Variants in CAMKMT observed in about 807,000 individuals in gnomAD.
CAMKMT encodes calmodulin-lysine N-methyltransferase.
In CAMKMT, 53 loss-of-function variants were observed where a neutral mutation model predicts 48.0. The ratio of observed to expected loss-of-function variants is 1.10; its 90% CI spans 0.89 to 1.39. CAMKMT has a LOEUF of 1.39. CAMKMT is among the 40% of genes most tolerant of loss of function. The pLI, the probability that CAMKMT is intolerant of heterozygous loss-of-function variation, is 0.00. For synonymous variants in CAMKMT, 165 were observed against 152.3 expected (o/e 1.08, Z -0.61); for missense variants, 428 against 402.7 (o/e 1.06, Z -0.54).
intron 3 of CAMKMT, among the ~76,000 whole-genome samples, chr2:44,555,568 G>A (rs1040286644): frequency 1.3e-5 from 2 of 152,122 alleles, no homozygotes; most frequent in African/African-American, 4.8e-5. Context: ...CAGGAGAGTG[G>A]TCTCATCTGT....
At chr2:44,566,089 G>A (rs1325416743) in intron 3 of CAMKMT, among the ~76,000 whole-genome samples, 1 of 152,142 alleles carries the variant, frequency 6.6e-6, no homozygotes, top group Non-Finnish European at 1.5e-5. Flanking sequence ...TAAAAACCAA[G>A]TATAGTATTA....
intron 3 of CAMKMT, among the ~76,000 whole-genome samples, chr2:44,616,013 CCATCCAGCCAACCGTG>C: frequency 6.6e-6 from 1 of 152,308 alleles, no homozygotes; most frequent in African/African-American, 2.4e-5. Flanking sequence ...TGGAAACTCT[CCATCCAGCCAACCGTG>C]CACTTCAAAA....
intron 3 of CAMKMT, among the ~76,000 whole-genome samples, chr2:44,489,734 C>T (rs1022754578): frequency 2.0e-5 from 3 of 151,966 alleles, no homozygotes; most frequent in African/African-American, 7.2e-5. Context: ...ATAATGGTAA[C>T]ATATTAGAAA....
At position 44,678,120 on chromosome 2, in the gene CAMKMT, G is replaced by A. The variant is rs948603424; in HGVS notation, c.377-26163G>A. Among the ~76,000 whole-genome samples, 9 of 151,884 alleles carry A rather than the reference G, an allele frequency of 5.9e-5. No homozygotes were observed. In the South Asian group the frequency reaches 6.2e-4, roughly 11 times the overall value. ...GTTCCTTACCTAGCTGGGTTGCTGC[G>A]TTTCCGAAAACCCATTAGCAACAAA... is the stretch of plus-strand genomic sequence containing the variant. On this transcript the variant is annotated intron_variant, in intron 3 of 10. Transcript: ENST00000378494.
intron 10 of CAMKMT, among the ~76,000 whole-genome samples, chr2:44,767,313 C>G (rs1680883730): frequency 6.6e-6 from 1 of 152,164 alleles, no homozygotes; most frequent in Admixed American, 6.5e-5. Context: ...CTTCACTGAG[C>G]TAGTCTGACC....
At chr2:44,487,439 TAG>T (rs1329101517) in intron 3 of CAMKMT, among the ~76,000 whole-genome samples, 2 of 152,218 alleles carry the variant, frequency 1.3e-5, no homozygotes, top group Non-Finnish European at 2.9e-5. Flanking sequence ...TATAATCAAA[TAG>T]AGAGGTCAGA....
At chr2:44,437,923 C>G (rs1666379463) in intron 3 of CAMKMT, among the ~76,000 whole-genome samples, 1 of 150,984 alleles carries the variant, frequency 6.6e-6, no homozygotes, top group Non-Finnish European at 1.5e-5. Flanking sequence ...TATGTTTGCT[C>G]CTCCAGAGAT....
At position 44,657,160 on chromosome 2, in the gene CAMKMT, A is replaced by G. The variant is rs956833947; in HGVS notation, c.377-47123A>G. Among the ~76,000 whole-genome samples, 10 of 152,208 alleles carry G rather than the reference A, an allele frequency of 6.6e-5. No homozygotes were observed. The highest frequency in any genetic ancestry group is 1.2e-4 in the Non-Finnish European group (8 of 68,040). On this transcript the variant is annotated intron_variant, in intron 3 of 10. Coordinates refer to ENST00000378494, the MANE Select transcript of CAMKMT (RefSeq NM_024766.5). The surrounding 1 kb of genome is among the most constrained non-coding windows in gnomAD (Gnocchi z 4.3). Reference sequence around the variant, plus strand: ...CAGCCCCACCTGAAATCCAGTTTGTATGAGAGCCATATGAAGGCCATCCCG... The same window carrying G: ...CAGCCCCACCTGAAATCCAGTTTGTGTGAGAGCCATATGAAGGCCATCCCG...
intron 3 of CAMKMT, among the ~76,000 whole-genome samples, chr2:44,556,715 C>T (rs56891695): frequency 1.8e-5 from 1 of 54,680 alleles, no homozygotes; most frequent in African/African-American, 7.1e-5. Flanking sequence ...ATGATCCACC[C>T]GCCTCGGCCT....
intron 3 of CAMKMT, among the ~76,000 whole-genome samples, chr2:44,506,650 T>G (rs1362342594): frequency 6.6e-6 from 1 of 152,168 alleles, no homozygotes; most frequent in Non-Finnish European, 1.5e-5. Flanking sequence ...TAAACCCAGA[T>G]TTTTAGTGCT....
At chr2:44,510,588 C>A (rs938939103) in intron 3 of CAMKMT, among the ~76,000 whole-genome samples, 28 of 152,100 alleles carry the variant, frequency 1.8e-4, no homozygotes, top group Non-Finnish European at 3.7e-4. Context: ...ATACAAATAT[C>A]CCATTTCTCA....
Position 44,558,550 on chromosome 2 carries a change from G to C in CAMKMT, c.377-145733G>C, listed in dbSNP as rs140713471. 3.9e-5 allele frequency among the ~76,000 whole-genome samples: 6 copies of C among 152,238 alleles called. No individual in the cohort carries two copies. In the East Asian group the frequency reaches 5.8e-4, roughly 15 times the overall value. On this transcript the variant is annotated intron_variant, in intron 3 of 10. Coordinates refer to ENST00000378494, the MANE Select transcript of CAMKMT (RefSeq NM_024766.5). ...ACAAATTAATTAATTCTCAGAGGTG[G>C]ATTGGATAAGGAAATTGTGGTACAT...
At chr2:44,506,012 G>C (rs1670242880) in intron 3 of CAMKMT, among the ~76,000 whole-genome samples, 1 of 151,838 alleles carries the variant, frequency 6.6e-6, no homozygotes, top group African/African-American at 2.4e-5. Context: ...GCATCACCAT[G>C]CCTGGCTAAT....
At chr2:44,535,487 C>G (rs1189411844) in intron 3 of CAMKMT, among the ~76,000 whole-genome samples, 1 of 152,104 alleles carries the variant, frequency 6.6e-6, no homozygotes, top group South Asian at 2.1e-4. Context: ...CAAAGGTTCT[C>G]AACAAAATTC....
At chr2:44,683,478 C>A (rs1370231338) in intron 3 of CAMKMT, among the ~76,000 whole-genome samples, 1 of 152,160 alleles carries the variant, frequency 6.6e-6, no homozygotes, top group Non-Finnish European at 1.5e-5. Flanking sequence ...GCCCCTGGAT[C>A]CTTTAGACCT....
At chr2:44,457,553 C>T (rs1259728990) in intron 3 of CAMKMT, among the ~76,000 whole-genome samples, 1 of 151,986 alleles carries the variant, frequency 6.6e-6, no homozygotes, top group Non-Finnish European at 1.5e-5. Context: ...TGCGTGTCAC[C>T]ACGCCCGGCT....
At chr2:44,614,017 T>A (rs1048504598) in intron 3 of CAMKMT, among the ~76,000 whole-genome samples, 8 of 152,222 alleles carry the variant, frequency 5.3e-5, no homozygotes, top group Admixed American at 2.0e-4. Context: ...ATAAAATAGA[T>A]AAATACAAAT....
At chr2:44,682,767 C>T (rs1221063577) in intron 3 of CAMKMT, among the ~76,000 whole-genome samples, 4 of 152,152 alleles carry the variant, frequency 2.6e-5, no homozygotes, top group Admixed American at 2.0e-4. Context: ...CAGAAAATTA[C>T]ATTTCTCAAC....
intron 3 of CAMKMT, among the ~76,000 whole-genome samples, chr2:44,648,963 A>G (rs370540734): frequency 6.6e-6 from 1 of 152,220 alleles, no homozygotes; most frequent in African/African-American, 2.4e-5. Context: ...AAAGTCATCT[A>G]GAGCTGCCAC....
Sources: gnomAD v4.1 joint callset for allele counts (sites outside exome capture counted in the v4.1 genomes callset) on GRCh38, gnomAD v4.1.1 for gene constraint, Gnocchi (gnomAD v3.1) non-coding constraint, MANE v1.5 for transcripts, NCBI Gene and HGNC (gene_info 2026-07-23, HGNC 2026-07-21) for gene names.